The following MORC3 variants were observed in gnomAD, a reference collection of about 807,000 sequenced individuals.
MORC3 encodes MORC family CW-type zinc finger protein 3.
In MORC3, 31 loss-of-function variants were observed where a neutral mutation model predicts 109.1. That is an observed-to-expected ratio of 0.28 (90% CI 0.21 to 0.38). The LOEUF is 0.38. Among genes scored for constraint, MORC3 ranks in the 10% least tolerant of loss-of-function variants. The pLI is 1.00. For synonymous variants in MORC3, 395 were observed against 380.7 expected, an observed-to-expected ratio of 1.04 and a Z score of -0.44; for missense variants, 867 against 1,135.8, an observed-to-expected ratio of 0.76 and a Z score of 3.40.
In MORC3 at chr21:36,369,500, A is replaced by G; in HGVS notation, c.2132A>G (p.Glu711Gly). 6.2e-7 allele frequency: 1 copy of G among 1,614,226 alleles called. No individual in the cohort carries two copies. The highest frequency in any genetic ancestry group is 8.5e-7 in the Non-Finnish European group (1 of 1,180,050). Residue 711 changes from glutamate to glycine, a missense_variant, in exon 15 of 17, where the codon GAG becomes GGG. Physicochemically the swap from Glu to Gly is moderately conservative, Grantham distance 98 (BLOSUM62 -2). Coordinates refer to ENST00000400485, the MANE Select transcript of MORC3 (RefSeq NM_015358.3). ...CTACTCCTTGTCACTGAGGAAAAAG[A>G]GAATTATAAAAGACAGTGTCATATG... ...NQLLLVTEEK[E>G]NYKRQCHMFT...
At chr21:36,333,455 T>A in intron 1 of MORC3, 191 bp from the exon 2 acceptor site, 1 of 587,294 alleles carries the variant, frequency 1.7e-6, no homozygotes, top group South Asian at 2.1e-5. Flanking sequence ...AGTAAGCTGT[T>A]TAGTTGGTTC....
intron 9 of MORC3, among the ~76,000 whole-genome samples, chr21:36,352,457 T>C (rs1030833447): frequency 2.6e-5 from 4 of 152,170 alleles, no homozygotes; most frequent in Non-Finnish European, 4.4e-5. Context: ...AGTATCCTTA[T>C]CTGAAATCTT....
At chr21:36,361,389 C>G (rs1041674633) in intron 12 of MORC3, among the ~76,000 whole-genome samples, 8 of 150,400 alleles carry the variant, frequency 5.3e-5, no homozygotes, top group African/African-American at 2.0e-4. Context: ...ACTAAAAATA[C>G]AAAAATTAGC....
chr21:36,356,858 C>T, intron 10 of MORC3, 134 bp downstream of exon 10: 1 of 505,020 alleles, frequency 2.0e-6, no homozygotes, highest in Non-Finnish European at 3.5e-6. Context: ...TGAATTAGCG[C>T]ACTGCAAAAT....
intron 1 of MORC3, among the ~76,000 whole-genome samples, chr21:36,323,647 C>G (rs2085216738): frequency 6.6e-6 from 1 of 152,086 alleles, no homozygotes; most frequent in Admixed American, 6.6e-5. Flanking sequence ...GATTTGCATT[C>G]TGGATTGGAA....
At chr21:36,363,728 A>C (rs1173065514) in intron 13 of MORC3, among the ~76,000 whole-genome samples, 1 of 152,246 alleles carries the variant, frequency 6.6e-6, no homozygotes, top group African/African-American at 2.4e-5. Flanking sequence ...ATCTGAATGC[A>C]AGTAGGCAGT....
intron 1 of MORC3, among the ~76,000 whole-genome samples, chr21:36,329,466 G>A (rs2085288887): frequency 6.6e-6 from 1 of 152,080 alleles, no homozygotes; most frequent in African/African-American, 2.4e-5. Context: ...AACATGAGGG[G>A]AATCATGTGA....
chr21:36,320,346 G>T, intron 1 of MORC3, 43 bp downstream of exon 1: 1 of 1,392,502 alleles, frequency 7.2e-7, no homozygotes, highest in East Asian at 3.0e-5. Context: ...TCCCAGGAGG[G>T]CGGGCGGGCA....
intron 12 of MORC3, 189 bp from the exon 13 acceptor site, chr21:36,361,994 G>C (rs2085722513): frequency 6.0e-6 from 4 of 667,834 alleles, no homozygotes; most frequent in Non-Finnish European, 1.1e-5. Context: ...GGTGAGGATG[G>C]AAAAATTCAG....
At position 36,343,383 on chromosome 21, in the gene MORC3, C is replaced by T. The variant is rs376941582; in HGVS notation, c.757-1196C>T. Among the ~76,000 whole-genome samples, 108 of 151,814 alleles carry T rather than the reference C, an allele frequency of 7.1e-4. 1 individual carries two copies. Among genetic ancestry groups the T allele is most frequent in the African/African-American group, 2.4e-3 (101 of 41,450 alleles). On this transcript the variant is annotated intron_variant, in intron 6 of 16. Coordinates refer to ENST00000400485, the MANE Select transcript of MORC3 (RefSeq NM_015358.3). ...TGTTGGGATTACAGGTGTGAACCAC[C>T]GTGCCCGGCCAATATCAAGTTTTTT...
chr21:36,375,446 A>T lies in MORC3; in HGVS notation c.*150A>T. ...TCTATGCATTCAAATGTGGTCACAAATATTGTGGACACATTATCTTATGTT... is the reference window on the plus strand; with the variant it reads ...TCTATGCATTCAAATGTGGTCACAATTATTGTGGACACATTATCTTATGTT... On this transcript the variant is annotated 3_prime_UTR_variant, in exon 17 of 17. Transcript: ENST00000400485. 1 of 673,576 alleles carries T rather than the reference A, an allele frequency of 1.5e-6. No homozygotes were observed. Among genetic ancestry groups the T allele is most frequent in the Non-Finnish European group, 2.4e-6 (1 of 421,780 alleles). 41.7% of individuals were successfully genotyped at this position (673,576 alleles called of 1,614,324 possible).
chr21:36,328,251 C>T (rs996251766), intron 1 of MORC3, among the ~76,000 whole-genome samples: 1 of 151,154 alleles, frequency 6.6e-6, no homozygotes, highest in Non-Finnish European at 1.5e-5. Flanking sequence ...TGTCCTGGTT[C>T]TTGGCACTGG....
At position 36,328,299 on chromosome 21, in the gene MORC3, G is replaced by A. The variant is rs117254218; in HGVS notation, c.40-5347G>A. ...CTTTGGTATTTCCTGATAACTATGA[G>A]TGGAACATCTTTTGTTATTTATAAT... is the stretch of plus-strand genomic sequence containing the variant. On this transcript the variant is annotated intron_variant, in intron 1 of 16. Coordinates refer to ENST00000400485, the MANE Select transcript of MORC3 (RefSeq NM_015358.3). Among the ~76,000 whole-genome samples the A allele has an allele frequency of 7.2e-4, 108 of 149,762 alleles. 2 individuals carry two copies. The East Asian group carries it at 0.013, about 17-fold the overall frequency.
intron 8 of MORC3, among the ~76,000 whole-genome samples, chr21:36,346,690 G>T (rs1398539390): frequency 6.6e-6 from 1 of 151,738 alleles, no homozygotes; most frequent in African/African-American, 2.4e-5. Flanking sequence ...CATGCCTGTG[G>T]TCCCAGCTAC....
chr21:36,336,328 T>C (rs1016441972), intron 2 of MORC3, among the ~76,000 whole-genome samples: 7 of 152,072 alleles, frequency 4.6e-5, no homozygotes, highest in African/African-American at 1.7e-4. Context: ...CTGCAACCTC[T>C]GCCTCCCAGG....
intron 15 of MORC3, among the ~76,000 whole-genome samples, chr21:36,370,149 C>T (rs1473848349): frequency 2.0e-5 from 3 of 152,046 alleles, no homozygotes; most frequent in Non-Finnish European, 2.9e-5. Context: ...CGGAGGCTGC[C>T]GTGAGCCAAG....
chr21:36,345,475 G>T (rs999875400), intron 8 of MORC3, among the ~76,000 whole-genome samples: 3 of 151,384 alleles, frequency 2.0e-5, no homozygotes, highest in African/African-American at 7.3e-5. Context: ...AGGCTGGAGT[G>T]CAGTGGCGAT....
At chr21:36,320,551 T>C in intron 1 of MORC3, 1 of 336,768 alleles carries the variant, frequency 3.0e-6, no homozygotes, top group Non-Finnish European at 5.3e-6. Context: ...TCGCGGCTCC[T>C]CCTCCCAGCT....
chr21:36,371,583 A>T (rs2085867952), intron 15 of MORC3, among the ~76,000 whole-genome samples: 1 of 152,212 alleles, frequency 6.6e-6, no homozygotes, highest in African/African-American at 2.4e-5. Flanking sequence ...GAATGATTGT[A>T]TTGGTATGCA....
Sources: allele counts gnomAD v4.1 joint callset (sites outside exome capture counted in the v4.1 genomes callset), GRCh38; gene constraint gnomAD v4.1.1; transcripts MANE v1.5; gene names NCBI Gene and HGNC (gene_info 2026-07-23, HGNC 2026-07-21).